ERBB4: variants seen among roughly 807,000 people sequenced by gnomAD.
The protein encoded by ERBB4 is erb-b2 receptor tyrosine kinase 4.
A neutral mutation model predicts 158.0 loss-of-function variants in ERBB4; 42 were observed. That is an observed-to-expected ratio of 0.27 (90% CI 0.21 to 0.34). The LOEUF is 0.34. ERBB4 is among the 10% of genes least tolerant of loss of function. The pLI, the probability that ERBB4 is intolerant of heterozygous loss-of-function variation, is 1.00. For missense variants in ERBB4, 1,333 were observed against 1,624.1 expected (o/e 0.82, Z 3.08); for synonymous variants, 583 against 558.7 (o/e 1.04, Z -0.61).
chr2:212,132,711 G>A (rs1023283083), intron 1 of ERBB4, among the ~76,000 whole-genome samples: 8 of 152,194 alleles, frequency 5.3e-5, no homozygotes, highest in Non-Finnish European at 7.4e-5. Context: ...GGCAGATTGT[G>A]AGACTTCTCA....
chr2:211,846,690 C>T (rs921985262), intron 3 of ERBB4, among the ~76,000 whole-genome samples: 3 of 152,094 alleles, frequency 2.0e-5, no homozygotes, highest in Admixed American at 6.6e-5. Flanking sequence ...TATCCTCCTA[C>T]ACACCTCCTC....
intron 1 of ERBB4, among the ~76,000 whole-genome samples, chr2:212,161,654 C>T (rs1168529567): frequency 6.6e-6 from 1 of 151,776 alleles, no homozygotes; most frequent in Non-Finnish European, 1.5e-5. Flanking sequence ...GAAAAGACAA[C>T]TTATATTTAA....
intron 20 of ERBB4, among the ~76,000 whole-genome samples, chr2:211,477,934 G>T (rs1327208822): frequency 6.6e-6 from 1 of 152,084 alleles, no homozygotes; most frequent in Non-Finnish European, 1.5e-5. Flanking sequence ...GACTATTCAG[G>T]TGGGTTGAGA....
intron 2 of ERBB4, among the ~76,000 whole-genome samples, chr2:212,083,028 C>T (rs2078492422): frequency 6.6e-6 from 1 of 151,792 alleles, no homozygotes; most frequent in Non-Finnish European, 1.5e-5. Flanking sequence ...TCATAAGTAA[C>T]CTAGTATCAT....
intron 2 of ERBB4, among the ~76,000 whole-genome samples, chr2:212,106,653 C>T (rs2079235946): frequency 6.6e-6 from 1 of 152,204 alleles, no homozygotes; most frequent in Non-Finnish European, 1.5e-5. Flanking sequence ...GAAAATGTCC[C>T]CAGGGCATGT....
rs2062703337 is a variant in ERBB4, at chr2:211,387,157, A to G, written c.3184-7T>C. ...CTCGGTATACAAACTGGTTCTGTTA[A>G]TAAGAGAAACATATGTGGAGAGAAG... On this transcript the variant is annotated splice_region_variant and splice_polypyrimidine_tract_variant and intron_variant, in intron 26 of 27. Transcript: ENST00000342788. The G allele has an allele frequency of 6.2e-7, 1 of 1,605,752 alleles. No individual in the cohort carries two copies.
chr2:211,906,909 G>A (rs2079407873), intron 3 of ERBB4, among the ~76,000 whole-genome samples: 1 of 151,620 alleles, frequency 6.6e-6, no homozygotes, highest in Non-Finnish European at 1.5e-5. Context: ...AGCTTCTCTT[G>A]AAGTTTGGCA....
chr2:211,920,635 C>A (rs748846929), intron 3 of ERBB4, among the ~76,000 whole-genome samples: 3 of 151,700 alleles, frequency 2.0e-5, no homozygotes, highest in South Asian at 2.1e-4. Flanking sequence ...ATGTGGTAAG[C>A]CCTTTTATTC....
rs972256188 is a variant in ERBB4 at position 211,630,719 on chromosome 2, C to T, written c.1947-125G>A. 5.2e-5 allele frequency: 47 copies of T among 901,628 alleles called. No individual in the cohort carries two copies. In the African/African-American group the frequency reaches 6.2e-4, roughly 12 times the overall value. 55.9% of individuals were successfully genotyped at this position (901,628 alleles called of 1,614,324 possible). A position where few individuals can be genotyped will look rare whatever the true frequency, so the allele number is the denominator to read the frequency against. ...CAAATCTAGTCATTTAGATGAAATGCAAATATAAAAGTGCATTAGGTTTTG... is the reference window on the plus strand; with the variant it reads ...CAAATCTAGTCATTTAGATGAAATGTAAATATAAAAGTGCATTAGGTTTTG... On this transcript the variant is annotated intron_variant, in intron 16 of 27. Coordinates refer to ENST00000342788, the MANE Select transcript of ERBB4 (RefSeq NM_005235.3).
intron 1 of ERBB4, among the ~76,000 whole-genome samples, chr2:212,255,372 AT>A (rs529503153): frequency 1.2e-3 from 178 of 152,294 alleles, no homozygotes; most frequent in African/African-American, 4.1e-3. Context: ...TGTAACTCCA[AT>A]TTAAAAATCC....
intron 7 of ERBB4, among the ~76,000 whole-genome samples, chr2:211,716,275 T>C (rs1376761890): frequency 2.1e-5 from 3 of 145,070 alleles, no homozygotes; most frequent in African/African-American, 5.3e-5. Flanking sequence ...GGCAGGAGAA[T>C]TGCTTGAACC....
intron 25 of ERBB4, among the ~76,000 whole-genome samples, chr2:211,395,376 T>C (rs1318230162): frequency 1.3e-5 from 2 of 152,106 alleles, no homozygotes; most frequent in Non-Finnish European, 2.9e-5. Context: ...GTGACGGTAC[T>C]AGCAACAAGA....
chr2:211,858,603 T>G (rs1198646573), intron 3 of ERBB4, among the ~76,000 whole-genome samples: 1 of 150,118 alleles, frequency 6.7e-6, no homozygotes, highest in Non-Finnish European at 1.5e-5. Context: ...TTTTTTTTTA[T>G]TTTGGCCAGC....
chr2:211,601,690 A>T (rs553661796), intron 19 of ERBB4, among the ~76,000 whole-genome samples: 1 of 152,240 alleles, frequency 6.6e-6, no homozygotes, highest in African/African-American at 2.4e-5. Context: ...TATCAACTGA[A>T]TTTCATACCC....
intron 2 of ERBB4, among the ~76,000 whole-genome samples, chr2:212,073,813 T>C: frequency 8.4e-6 from 1 of 118,668 alleles, no homozygotes; most frequent in Non-Finnish European, 1.8e-5. Flanking sequence ...AGCATGATTA[T>C]TTTTTTACAT....
At chr2:211,451,817 C>T (rs2064253930) in intron 20 of ERBB4, among the ~76,000 whole-genome samples, 1 of 152,118 alleles carries the variant, frequency 6.6e-6, no homozygotes, top group South Asian at 2.1e-4. Context: ...TGTCTCAAAA[C>T]CAGACTTTGA....
intron 1 of ERBB4, among the ~76,000 whole-genome samples, chr2:212,426,671 A>G (rs1461298795): frequency 6.6e-6 from 1 of 152,096 alleles, no homozygotes; most frequent in African/African-American, 2.4e-5. Flanking sequence ...AGTAATAATG[A>G]TGCGCTTGTA....
intron 2 of ERBB4, among the ~76,000 whole-genome samples, chr2:211,956,982 A>C (rs1441382599): frequency 1.3e-5 from 2 of 151,854 alleles, no homozygotes; most frequent in African/African-American, 4.8e-5. Context: ...CAGCTACACA[A>C]CACCACACCA....
intron 2 of ERBB4, among the ~76,000 whole-genome samples, chr2:212,069,945 C>G (rs1362535775): frequency 6.7e-6 from 1 of 148,548 alleles, no homozygotes; most frequent in Non-Finnish European, 1.5e-5. Context: ...TAGTAAGAAC[C>G]ATGTCTTAAA....
Sources: gnomAD v4.1 joint callset for allele counts (sites outside exome capture counted in the v4.1 genomes callset) on GRCh38, gnomAD v4.1.1 for gene constraint, MANE v1.5 for transcripts, NCBI Gene and HGNC (gene_info 2026-07-23, HGNC 2026-07-21) for gene names.